Variants in ZSWIM4 observed in about 807,000 individuals in gnomAD.
The protein encoded by ZSWIM4 is zinc finger SWIM domain-containing protein 4.
A neutral mutation model predicts 102.5 loss-of-function variants in ZSWIM4; 62 were observed. That is an observed-to-expected ratio of 0.60 (90% confidence interval 0.49 to 0.75). The LOEUF is 0.75. ZSWIM4 is among the 30% of genes least tolerant of loss of function. The probability of loss-of-function intolerance (pLI) is 0.00; values close to 1 mark genes in which losing one functional copy is unlikely to be tolerated. For synonymous variants in ZSWIM4, 652 were observed against 674.5 expected (o/e 0.97, Z 0.52); for missense variants, 1,280 against 1,529.6 (o/e 0.84, Z 2.72).
chr19:13,801,870 C>A (rs1014689117), intron 2 of ZSWIM4, among the ~76,000 whole-genome samples: 2 of 151,636 alleles, frequency 1.3e-5, no homozygotes, highest in Non-Finnish European at 2.9e-5. Context: ...AGGGTTTCAC[C>A]ATGTTGGCCA....
chr19:13,821,573 T>C (rs1975463687), intron 10 of ZSWIM4, among the ~76,000 whole-genome samples: 1 of 152,098 alleles, frequency 6.6e-6, no homozygotes, highest in African/African-American at 2.4e-5. Context: ...TTAGAGACAG[T>C]CTCGCTCCAT....
intron 3 of ZSWIM4, among the ~76,000 whole-genome samples, chr19:13,805,428 C>T (rs75166887): frequency 0.017 from 2,614 of 151,886 alleles, 70 homozygotes; most frequent in African/African-American, 0.06. Flanking sequence ...AGGTCTGGCC[C>T]CAGGGCTGGG....
intron 3 of ZSWIM4, among the ~76,000 whole-genome samples, chr19:13,805,382 G>T (rs984185945): frequency 2.6e-5 from 4 of 152,116 alleles, no homozygotes; most frequent in African/African-American, 7.2e-5. Context: ...GAGGGCGAGG[G>T]CAGGAGGGGA....
rs1216909483 is a variant in ZSWIM4 at position 13,831,228 on chromosome 19, G to T, written c.*178G>T. On this transcript the variant is annotated 3_prime_UTR_variant, in exon 14 of 14. Transcript: ENST00000590508. The stretch of plus-strand genomic sequence containing the variant: ...TGTGTGCCTGGGAGTCTGTGAGCAA[G>T]TGTGCAAGACTCCAGAAGCAGAAGC... 5 of 788,318 alleles carry T rather than the reference G, an allele frequency of 6.3e-6. No homozygotes were observed. The Admixed American group carries it at 1.6e-4, about 25-fold the overall frequency. The allele number at this position is 788,318 out of a possible 1,614,324, so 48.8% of individuals were successfully genotyped here.
intron 8 of ZSWIM4, 117 bp from the exon 9 acceptor site, chr19:13,817,605 T>C: frequency 7.6e-7 from 1 of 1,307,732 alleles, no homozygotes; most frequent in Admixed American, 2.6e-5. Context: ...TGCTGGGAGC[T>C]TCTGGGCTCC....
chr19:13,807,797 G>A (rs986211060), intron 3 of ZSWIM4, among the ~76,000 whole-genome samples: 2 of 141,284 alleles, frequency 1.4e-5, no homozygotes, highest in South Asian at 2.2e-4. Flanking sequence ...ATGGATGGGT[G>A]TATGGGTGTA....
At chr19:13,812,869 G>A (rs1166178234) in intron 5 of ZSWIM4, 128 bp from the exon 6 acceptor site, 13 of 991,452 alleles carry the variant, frequency 1.3e-5, no homozygotes, top group East Asian at 2.5e-5. Context: ...CAAAGGCTGC[G>A]AGTTGCAACT....
intron 5 of ZSWIM4, among the ~76,000 whole-genome samples, chr19:13,810,760 C>A (rs1442305571): frequency 6.6e-6 from 1 of 151,572 alleles, no homozygotes; most frequent in African/African-American, 2.4e-5. Flanking sequence ...CAGAGGCCCA[C>A]CACCACGCCC....
At chr19:13,806,821 C>T (rs981301383) in intron 3 of ZSWIM4, among the ~76,000 whole-genome samples, 6 of 151,812 alleles carry the variant, frequency 4.0e-5, no homozygotes, top group Non-Finnish European at 7.4e-5. Flanking sequence ...CCAATGGGTA[C>T]ATGCATTGGG....
In ZSWIM4 at chr19:13,817,966, G is replaced by A. The variant is rs1371592900; in HGVS notation, c.1914G>A (p.Leu638=). 6.6e-7 allele frequency: 1 copy of A among 1,511,346 alleles called. No individual in the cohort carries two copies. The highest frequency in any genetic ancestry group is 1.4e-5 in the African/African-American group (1 of 72,556). 93.6% of individuals were successfully genotyped at this position (1,511,346 alleles called of 1,614,324 possible). A position where few individuals can be genotyped will look rare whatever the true frequency, so the allele number is the denominator to read the frequency against. ...LVQVLRKQAG[L]LLEGGPFSGF... ...AGGTGCTGCGCAAGCAGGCGGGGCT[G>A]CTGCTGGAAGGTGAGGCCGCGCCCC... The change falls in exon 9 of 14, where the codon CTG becomes CTA. Residue 638 remains leucine, a synonymous_variant. Coordinates refer to ENST00000590508, the MANE Select transcript of ZSWIM4 (RefSeq NM_001367834.3).
intron 2 of ZSWIM4, 139 bp from the exon 3 acceptor site, chr19:13,804,646 CAAAAAAA>C: frequency 1.7e-6 from 1 of 577,592 alleles, no homozygotes; most frequent in Non-Finnish European, 2.9e-6. Context: ...GATTTTGTTT[CAAAAAAA>C]AAAAAAATGC....
intron 3 of ZSWIM4, 136 bp from the exon 4 acceptor site, chr19:13,808,700 C>T (rs1377469204): frequency 2.2e-6 from 2 of 919,928 alleles, no homozygotes; most frequent in Non-Finnish European, 1.6e-6. Context: ...GATCGTGCTA[C>T]AGCACTCCAG....
At position 13,800,065 on chromosome 19, in the gene ZSWIM4, A is replaced by ATTTTTTTTTTTT. The variant is rs71170569; in HGVS notation, c.355+153_355+164dup. The ATTTTTTTTTTTT allele has an allele frequency of 5.4e-4, 207 of 385,096 alleles. 14 individuals are homozygous for ATTTTTTTTTTTT. The highest frequency in any genetic ancestry group is 3.3e-3 in the African/African-American group (73 of 21,958). 23.9% of individuals were successfully genotyped at this position (385,096 alleles called of 1,614,324 possible). A position where few individuals can be genotyped will look rare whatever the true frequency, so the allele number is the denominator to read the frequency against. ...CGAGGCCCAGATAGGATTGTACAAG[A>ATTTTTTTTTTTT]TTTTTTTTTTTTTTTTTTTTGAGAC... On this transcript the variant is annotated intron_variant, in intron 2 of 13. Transcript: ENST00000590508.
rs1832361533 is a variant in ZSWIM4 at position 13,804,972 on chromosome 19, C to T, written c.536C>T (p.Ala179Val). 3 of 1,613,174 alleles carry T rather than the reference C, an allele frequency of 1.9e-6. No individual in the cohort carries two copies. The highest frequency in any genetic ancestry group is 2.5e-6 in the Non-Finnish European group (3 of 1,180,026). ...CTGTCCCTGTACCGCATTCGGCACG[C>T]CCACCAGGTGGAGCTGCGGCTGCCC... ...VALSLYRIRH[A>V]HQVELRLPIS... The change falls in exon 3 of 14, where the codon GCC becomes GTC. Residue 179 changes from alanine to valine, a missense_variant. By Grantham distance (64) the Ala-to-Val change is moderately conservative (BLOSUM62 0). Transcript: ENST00000590508.
Position 13,817,567 on chromosome 19 carries a change from G to A in ZSWIM4, c.1670-155G>A. 6 of 1,093,120 alleles carry A rather than the reference G, an allele frequency of 5.5e-6. No individual in the cohort carries two copies. The South Asian group carries it at 1.0e-4, about 18-fold the overall frequency. The allele number at this position is 1,093,120 out of a possible 1,614,324, so 67.7% of individuals were successfully genotyped here. A position where few individuals can be genotyped will look rare whatever the true frequency, so the allele number is the denominator to read the frequency against. ...AGGCCTAGCTGCTGCTAGAAGGTGGGGCTCCCGCGCTCCCCCAACCCCGTG... is the reference window on the plus strand; with the variant it reads ...AGGCCTAGCTGCTGCTAGAAGGTGGAGCTCCCGCGCTCCCCCAACCCCGTG... On this transcript the variant is annotated intron_variant, in intron 8 of 13. Coordinates refer to ENST00000590508, the MANE Select transcript of ZSWIM4 (RefSeq NM_001367834.3).
Position 13,817,586 on chromosome 19 carries a change from C to T in ZSWIM4, c.1670-136C>T, listed in dbSNP as rs1049129059. 3.3e-6 allele frequency: 4 copies of T among 1,205,458 alleles called. No homozygotes were observed. The East Asian group carries it at 7.6e-5, about 23-fold the overall frequency. 74.7% of individuals were successfully genotyped at this position (1,205,458 alleles called of 1,614,324 possible). ...AGGTGGGGCTCCCGCGCTCCCCCAA[C>T]CCCGTGAGTGCTGGGAGCTTCTGGG... On this transcript the variant is annotated intron_variant, in intron 8 of 13. Coordinates refer to ENST00000590508, the MANE Select transcript of ZSWIM4 (RefSeq NM_001367834.3).
intron 2 of ZSWIM4, among the ~76,000 whole-genome samples, chr19:13,800,970 T>C (rs1388385596): frequency 1.3e-5 from 2 of 151,832 alleles, no homozygotes; most frequent in Non-Finnish European, 2.9e-5. Context: ...AATGAGACCT[T>C]GTCTTCACAA....
chr19:13,803,883 A>C (rs1476376480), intron 2 of ZSWIM4, among the ~76,000 whole-genome samples: 1 of 147,822 alleles, frequency 6.8e-6, no homozygotes, highest in East Asian at 2.1e-4. Flanking sequence ...TTTTTTTGAG[A>C]CAGAGTCTCA....
chr19:13,817,699 AG>A lies in ZSWIM4; in HGVS notation c.1670-22del, dbSNP rs1428798000. 3 of 1,606,108 alleles carry A rather than the reference AG, an allele frequency of 1.9e-6. No homozygotes were observed. The Admixed American group carries it at 5.1e-5, about 27-fold the overall frequency. Reference sequence around the variant, plus strand: ...TTAGGGAAGGGGATCCGTCTCCAGCAGCCCTGGCCCTGTCTCCCCCAGACTC... The same window carrying A: ...TTAGGGAAGGGGATCCGTCTCCAGCACCCTGGCCCTGTCTCCCCCAGACTC... On this transcript the variant is annotated intron_variant, in intron 8 of 13. Transcript: ENST00000590508.
Sources: gnomAD v4.1 joint callset for allele counts (sites outside exome capture counted in the v4.1 genomes callset) on GRCh38, gnomAD v4.1.1 for gene constraint, MANE v1.5 for transcripts, NCBI Gene and HGNC (gene_info 2026-07-23, HGNC 2026-07-21) for gene names.